CADPS: variants seen among roughly 807,000 people sequenced by gnomAD.
The protein encoded by CADPS is calcium-dependent secretion activator 1.
CADPS carries 57 observed loss-of-function variants against 167.3 expected under a neutral mutation model. The ratio of observed to expected loss-of-function variants is 0.34; its 90% CI spans 0.28 to 0.42. The LOEUF (loss-of-function observed/expected upper bound fraction) is 0.42, where lower values mean the gene tolerates loss of function less well. Ranked by LOEUF, CADPS falls within the 20% of genes least tolerant of loss-of-function variation. The pLI is 1.00. For synonymous variants in CADPS, 676 were observed against 635.3 expected, an observed-to-expected ratio of 1.06 and a Z score of -0.96; for missense variants, 1,414 against 1,738.1, an observed-to-expected ratio of 0.81 and a Z score of 3.32.
intron 1 of CADPS, among the ~76,000 whole-genome samples, chr3:62,788,731 C>G (rs1343086489): frequency 6.6e-6 from 1 of 152,138 alleles, no homozygotes; most frequent in Non-Finnish European, 1.5e-5. Flanking sequence ...GAATAAACTG[C>G]TGTCTTGCCC....
chr3:62,800,042 G>T (rs1255703015), intron 1 of CADPS, among the ~76,000 whole-genome samples: 1 of 152,106 alleles, frequency 6.6e-6, no homozygotes, highest in Non-Finnish European at 1.5e-5. Context: ...CTAAGCTCAG[G>T]GTTCCTTAGC....
chr3:62,435,331 A>G (rs1018231361), intron 28 of CADPS, among the ~76,000 whole-genome samples: 3 of 152,212 alleles, frequency 2.0e-5, no homozygotes, highest in Non-Finnish European at 2.9e-5. Context: ...AGATTTGCAG[A>G]GCATGTACAC....
At chr3:62,507,719 C>CA (rs1173159893) in intron 17 of CADPS, among the ~76,000 whole-genome samples, 1 of 152,126 alleles carries the variant, frequency 6.6e-6, no homozygotes, top group African/African-American at 2.4e-5. Context: ...ACAAGATCCC[C>CA]AGTGATTCAG....
intron 3 of CADPS, among the ~76,000 whole-genome samples, chr3:62,749,321 C>A (rs1475724453): frequency 6.6e-6 from 1 of 152,160 alleles, no homozygotes; most frequent in African/African-American, 2.4e-5. Context: ...AATGTCATTT[C>A]TCATTTGAGA....
chr3:62,611,018 C>T (rs1024621063), intron 6 of CADPS, among the ~76,000 whole-genome samples: 1 of 152,022 alleles, frequency 6.6e-6, no homozygotes, highest in Non-Finnish European at 1.5e-5. Context: ...GCTGGGGATA[C>T]TGCTAAACAT....
chr3:62,682,338 A>G (rs908866663), intron 3 of CADPS, among the ~76,000 whole-genome samples: 1 of 152,072 alleles, frequency 6.6e-6, no homozygotes, highest in African/African-American at 2.4e-5. Context: ...AATGACCAGA[A>G]AATGCCAGAA....
intron 6 of CADPS, among the ~76,000 whole-genome samples, chr3:62,596,140 C>T (rs1291837790): frequency 2.6e-5 from 3 of 117,308 alleles, no homozygotes; most frequent in East Asian, 5.2e-4. Flanking sequence ...CACACACACA[C>T]ACATATCCTA....
chr3:62,801,930 T>C (rs1338696906), intron 1 of CADPS, among the ~76,000 whole-genome samples: 1 of 152,190 alleles, frequency 6.6e-6, no homozygotes, highest in East Asian at 1.9e-4. Flanking sequence ...TATAGTTATT[T>C]TGTTGGACAC....
At chr3:62,661,752 G>A (rs990765314) in intron 4 of CADPS, among the ~76,000 whole-genome samples, 4 of 152,118 alleles carry the variant, frequency 2.6e-5, no homozygotes, top group African/African-American at 9.7e-5. Flanking sequence ...TCCAGGTGCT[G>A]AAGATGAGGG....
At chr3:62,748,254 G>A (rs1459739718) in intron 3 of CADPS, among the ~76,000 whole-genome samples, 1 of 145,646 alleles carries the variant, frequency 6.9e-6, no homozygotes, top group Non-Finnish European at 1.5e-5. Context: ...GCTGAGGCAG[G>A]AGAATGGCGT....
intron 3 of CADPS, among the ~76,000 whole-genome samples, chr3:62,731,148 C>T (rs2077703143): frequency 6.6e-6 from 1 of 152,102 alleles, no homozygotes; most frequent in African/African-American, 2.4e-5. Context: ...ATTCTGATGG[C>T]CCTGAAGTTT....
chr3:62,404,403 C>T (rs1349407832), intron 28 of CADPS: 1 of 152,582 alleles, frequency 6.6e-6, no homozygotes, highest in Non-Finnish European at 1.5e-5. Context: ...AAAGATCATC[C>T]AAAATCAGTT....
Position 62,831,240 on chromosome 3 carries a change from T to C in CADPS, c.441+43349A>G, listed in dbSNP as rs148020874. 6.6e-5 allele frequency among the ~76,000 whole-genome samples: 10 copies of C among 152,278 alleles called. No homozygotes were observed. In the East Asian group the frequency reaches 1.9e-3, roughly 29 times the overall value. On this transcript the variant is annotated intron_variant, in intron 1 of 29. Coordinates refer to ENST00000383710, the MANE Select transcript of CADPS (RefSeq NM_003716.4). ...CATATACTTAATCTCATGAAAACTC[T>C]TCGAAGTAAACATTATCTTCATTTT...
chr3:62,402,045 T>C (rs1001806236), intron 29 of CADPS, among the ~76,000 whole-genome samples: 1 of 152,178 alleles, frequency 6.6e-6, no homozygotes, highest in Non-Finnish European at 1.5e-5. Flanking sequence ...AGTCTAAGTG[T>C]ATACATTCGT....
chr3:62,732,303 G>A (rs1358503818), intron 3 of CADPS, among the ~76,000 whole-genome samples: 1 of 152,170 alleles, frequency 6.6e-6, no homozygotes, highest in Admixed American at 6.5e-5. Flanking sequence ...TCTCTTGCTG[G>A]TACAAGCTGT....
At chr3:62,693,382 T>C (rs1259555298) in intron 3 of CADPS, among the ~76,000 whole-genome samples, 1 of 152,138 alleles carries the variant, frequency 6.6e-6, no homozygotes, top group Non-Finnish European at 1.5e-5. Flanking sequence ...GTCATGCTTA[T>C]CAATTGTGTA....
chr3:62,689,533 C>A lies in CADPS; in HGVS notation c.889-27139G>T, dbSNP rs188806070. ...TGTCCTGGGGCTCCCCGAATGATAA[C>A]TGAATCACTGCTTTATAAAATGTAG... is the stretch of plus-strand genomic sequence containing the variant. On this transcript the variant is annotated intron_variant, in intron 3 of 29. Coordinates refer to ENST00000383710, the MANE Select transcript of CADPS (RefSeq NM_003716.4). Among the ~76,000 whole-genome samples the A allele has an allele frequency of 3.2e-3, 490 of 152,154 alleles. 1 individual carries two copies. The highest frequency in any genetic ancestry group is 4.9e-3 in the Non-Finnish European group (330 of 67,974).
At chr3:62,486,898 G>A (rs1386059220) in intron 21 of CADPS, among the ~76,000 whole-genome samples, 1 of 152,206 alleles carries the variant, frequency 6.6e-6, no homozygotes, top group Non-Finnish European at 1.5e-5. Context: ...TTAAGGAGAG[G>A]TTTATGCAAG....
rs186950924 is a variant in CADPS, at chr3:62,543,299, A to T, written c.1966+6604T>A. ...AGTTGACAATATAAGAAGATATAGC[A>T]AAATTTTATGAGATAAAACTACAGA... On this transcript the variant is annotated intron_variant, in intron 11 of 29. Transcript: ENST00000383710. Among the ~76,000 whole-genome samples, 388 of 152,346 alleles carry T rather than the reference A, an allele frequency of 2.5e-3. 2 individuals carry two copies. Among genetic ancestry groups the T allele is most frequent in the South Asian group, 4.1e-3 (20 of 4,832 alleles).
Sources: allele counts gnomAD v4.1 joint callset (sites outside exome capture counted in the v4.1 genomes callset), GRCh38; gene constraint gnomAD v4.1.1; transcripts MANE v1.5; gene names NCBI Gene and HGNC (gene_info 2026-07-23, HGNC 2026-07-21).